The following RP1 variants were observed in gnomAD, a reference collection of about 807,000 sequenced individuals.
The protein encoded by RP1 is RP1 axonemal microtubule associated.
RP1 carries 16 observed loss-of-function variants against 14.8 expected under a neutral mutation model. The observed-to-expected ratio is 1.08, with a 90% CI of 0.73 to 1.65. The LOEUF is 1.65. Among genes scored for constraint, RP1 ranks in the 40% most tolerant of loss-of-function variants. The probability of loss-of-function intolerance (pLI) is 0.00; values close to 1 mark genes in which losing one functional copy is unlikely to be tolerated. For synonymous variants in RP1, 876 were observed against 883.6 expected (o/e 0.99, Z 0.15); for missense variants, 2,631 against 2,535.0 (o/e 1.04, Z -0.81).
At chr8:54,668,795 A>T (rs1807076577) in intron 7 of RP1, among the ~76,000 whole-genome samples, 1 of 152,218 alleles carries the variant, frequency 6.6e-6, no homozygotes, top group Non-Finnish European at 1.5e-5. Flanking sequence ...CTATTTAATA[A>T]ATGGTGCTGG....
intron 1 of RP1, among the ~76,000 whole-genome samples, chr8:54,565,994 C>A (rs1305188541): frequency 6.6e-6 from 1 of 152,156 alleles, no homozygotes. Flanking sequence ...CCTGTCTCTG[C>A]CTTCATCTTC....
At chr8:54,639,230 G>A (rs1806411974) in intron 3 of RP1, among the ~76,000 whole-genome samples, 1 of 152,098 alleles carries the variant, frequency 6.6e-6, no homozygotes, top group Non-Finnish European at 1.5e-5. Flanking sequence ...ATGATTTTGA[G>A]ATTCATTATT....
At chr8:54,689,219 T>C (rs945179529) in intron 12 of RP1, among the ~76,000 whole-genome samples, 5 of 152,082 alleles carry the variant, frequency 3.3e-5, no homozygotes, top group Non-Finnish European at 5.9e-5. Flanking sequence ...TGGGCTGAGA[T>C]GATGGGGTTT....
Position 54,628,168 on chromosome 8 carries a change from A to C in RP1, c.4286A>C (p.Gln1429Pro). Residue 1429 changes from glutamine (Q) to proline (P), a missense_variant, in exon 4 of 4, where the codon CAG becomes CCG. Transcript: ENST00000220676. ...GAAAATTGTTCACTAAGGAAGTTTC[A>C]GGATGAAAATGCATATACTTCCTTT... The part of the protein sequence containing the change: ...DFENCSLRKF[Q>P]DENAYTSFDM... 1 of 1,614,028 alleles carries C rather than the reference A, an allele frequency of 6.2e-7. No homozygotes were observed. Among genetic ancestry groups the C allele is most frequent in the Non-Finnish European group, 8.5e-7 (1 of 1,179,916 alleles).
chr8:54,576,872 C>T (rs915642249), intron 1 of RP1, among the ~76,000 whole-genome samples: 3 of 152,074 alleles, frequency 2.0e-5, no homozygotes, highest in African/African-American at 7.2e-5. Context: ...CTTTCTGTTG[C>T]CCCAGGTTAA....
intron 1 of RP1, among the ~76,000 whole-genome samples, chr8:54,582,118 C>A (rs12386986): frequency 6.6e-6 from 1 of 151,934 alleles, no homozygotes; most frequent in Non-Finnish European, 1.5e-5. Context: ...TTTTCTTCTA[C>A]GGTTTTTATG....
chr8:54,780,573 G>A (rs6982434), intron 23 of RP1, among the ~76,000 whole-genome samples: 45,132 of 152,028 alleles, frequency 0.3, 7,209 homozygotes, highest in Middle Eastern at 0.48. Flanking sequence ...TTTTAAAAAG[G>A]AAGGTAGTGT....
rs1811059894 is a variant in RP1, at chr8:54,813,338, AG to A, written c.3616-24111del. Among the ~76,000 whole-genome samples, 11 of 152,320 alleles carry A rather than the reference AG, an allele frequency of 7.2e-5. No individual in the cohort carries two copies. In the South Asian group the frequency reaches 2.3e-3, roughly 32 times the overall value. On this transcript the variant is annotated intron_variant, in intron 24 of 28. Coordinates refer to the RP1 transcript ENST00000637698. Reference sequence around the variant, plus strand: ...TCTTGGGGGACAGAGTTCATTGAATAGCCTGCCTAGACACCCAGGGATGCAC... The same window carrying A: ...TCTTGGGGGACAGAGTTCATTGAATACCTGCCTAGACACCCAGGGATGCAC...
At chr8:54,832,631 T>C (rs1047656259) in intron 24 of RP1, among the ~76,000 whole-genome samples, 2 of 152,068 alleles carry the variant, frequency 1.3e-5, no homozygotes, top group East Asian at 3.9e-4. Flanking sequence ...CTCCTTTTTT[T>C]ATTGACATTA....
At chr8:54,820,229 G>A (rs1236259429) in intron 24 of RP1, among the ~76,000 whole-genome samples, 1 of 151,856 alleles carries the variant, frequency 6.6e-6, no homozygotes, top group Non-Finnish European at 1.5e-5. Flanking sequence ...GTTTCTTCCT[G>A]AGCTGTGCTG....
At chr8:54,824,486 A>G (rs1465726018) in intron 24 of RP1, among the ~76,000 whole-genome samples, 2 of 144,092 alleles carry the variant, frequency 1.4e-5, no homozygotes, top group African/African-American at 5.1e-5. Flanking sequence ...CCTACCAAAT[A>G]TTTAGAGAAT....
At chr8:54,750,436 T>C (rs1260169317) in intron 19 of RP1, among the ~76,000 whole-genome samples, 1 of 152,216 alleles carries the variant, frequency 6.6e-6, no homozygotes, top group Non-Finnish European at 1.5e-5. Context: ...CCTCTTACTG[T>C]TAACTTGGAA....
At chr8:54,762,514 A>G (rs1053927809) in intron 22 of RP1, among the ~76,000 whole-genome samples, 10 of 152,178 alleles carry the variant, frequency 6.6e-5, no homozygotes, top group Non-Finnish European at 1.3e-4. Flanking sequence ...AGGGGTATAC[A>G]TCACTGAATT....
At chr8:54,817,169 G>C (rs145314873) in intron 24 of RP1, among the ~76,000 whole-genome samples, 7 of 152,084 alleles carry the variant, frequency 4.6e-5, no homozygotes, top group Non-Finnish European at 7.3e-5. Flanking sequence ...CATATGGATA[G>C]GTGCCCTATT....
exon 4 of RP1, chr8:54,649,087 C>A (rs1236632220): frequency 2.6e-6 from 4 of 1,530,516 alleles, no homozygotes; most frequent in Non-Finnish European, 8.7e-7. Context: ...AGTTCAGCCC[C>A]CATATATCTT....
chr8:54,862,893 T>G (rs1055667638), intron 27 of RP1, among the ~76,000 whole-genome samples: 4 of 152,234 alleles, frequency 2.6e-5, no homozygotes, highest in Non-Finnish European at 5.9e-5. Flanking sequence ...TAGCAGTGAC[T>G]GGCACTGTAT....
At chr8:54,621,664 C>G in intron 2 of RP1, 83 bp downstream of exon 2, 1 of 1,595,524 alleles carries the variant, frequency 6.3e-7, no homozygotes. Context: ...GAATGGTGGC[C>G]CCCGGGAAGG....
At chr8:54,697,265 C>T (rs1460008507) in intron 12 of RP1, 3 of 583,162 alleles carry the variant, frequency 5.1e-6, no homozygotes, top group Non-Finnish European at 9.2e-6. Context: ...AAAAAAAAGA[C>T]AGTACCTGGC....
At chr8:54,593,725 C>A (rs1343084173) in intron 1 of RP1, among the ~76,000 whole-genome samples, 2 of 152,206 alleles carry the variant, frequency 1.3e-5, no homozygotes, top group African/African-American at 2.4e-5. Flanking sequence ...CGTCAATGAC[C>A]ACTCAGTCTG....
Sources: gnomAD v4.1 joint callset for allele counts (sites outside exome capture counted in the v4.1 genomes callset) on GRCh38, gnomAD v4.1.1 for gene constraint, MANE v1.5 for transcripts, NCBI Gene and HGNC (gene_info 2026-07-23, HGNC 2026-07-21) for gene names.